Variants in SLIT3 observed in about 807,000 individuals in gnomAD.
SLIT3 encodes the protein slit homolog 3 protein.
SLIT3 carries 68 observed loss-of-function variants against 184.0 expected under a neutral mutation model. The observed-to-expected ratio is 0.37, with a 90% confidence interval of 0.30 to 0.45. SLIT3 has a LOEUF of 0.45. SLIT3 is among the 20% of genes least tolerant of loss of function. The pLI is 1.00. For synonymous variants in SLIT3, 831 were observed against 828.6 expected (o/e 1.00, Z -0.05); for missense variants, 1,707 against 2,026.0 (o/e 0.84, Z 3.02).
intron 4 of SLIT3, among the ~76,000 whole-genome samples, chr5:169,079,561 G>GAAGA (rs1758891383): frequency 7.5e-6 from 1 of 133,776 alleles, no homozygotes; most frequent in Non-Finnish European, 1.6e-5. Flanking sequence ...GAAGAAGGAG[G>GAAGA]AGGAGGAAGG....
chr5:168,737,627 T>C (rs553277024), intron 20 of SLIT3, among the ~76,000 whole-genome samples: 34 of 152,310 alleles, frequency 2.2e-4, no homozygotes, highest in African/African-American at 6.0e-4. Context: ...AACAAATCCA[T>C]GCTCATTGTC....
intron 4 of SLIT3, among the ~76,000 whole-genome samples, chr5:169,058,187 C>T (rs181090797): frequency 3.0e-4 from 46 of 152,370 alleles, no homozygotes; most frequent in East Asian, 2.9e-3. Flanking sequence ...ACCATCAGAC[C>T]GCTTCTCCCC....
chr5:168,984,149 G>C (rs544908094), intron 4 of SLIT3, among the ~76,000 whole-genome samples: 2 of 152,168 alleles, frequency 1.3e-5, no homozygotes, highest in South Asian at 4.2e-4. Context: ...AATATTACTT[G>C]ATTTTGAAAC....
chr5:168,886,438 C>A (rs576395756), intron 4 of SLIT3, among the ~76,000 whole-genome samples: 48 of 152,230 alleles, frequency 3.2e-4, no homozygotes, highest in Admixed American at 7.8e-4. Context: ...TAAGTACTAT[C>A]CTCGAGAGAG....
intron 12 of SLIT3, among the ~76,000 whole-genome samples, chr5:168,774,979 G>A (rs555124990): frequency 8.0e-5 from 12 of 150,382 alleles, no homozygotes; most frequent in South Asian, 6.4e-4. Context: ...TGGCCCTTTC[G>A]CCAACCTCAT....
chr5:169,036,905 T>C (rs1471435984), intron 4 of SLIT3, among the ~76,000 whole-genome samples: 1 of 152,144 alleles, frequency 6.6e-6, no homozygotes, highest in African/African-American at 2.4e-5. Flanking sequence ...TCTTCACAAA[T>C]GGCAAAGAGC....
chr5:168,769,794 T>G (rs553320285), intron 14 of SLIT3, among the ~76,000 whole-genome samples: 1 of 152,300 alleles, frequency 6.6e-6, no homozygotes, highest in African/African-American at 2.4e-5. Flanking sequence ...TGTAGGTAAA[T>G]TATCAAGAGT....
At chr5:168,668,923 G>A (rs956404653) in intron 35 of SLIT3, among the ~76,000 whole-genome samples, 6 of 152,206 alleles carry the variant, frequency 3.9e-5, no homozygotes, top group African/African-American at 1.2e-4. Context: ...CGACCGCCAT[G>A]ATGCCCAGCT....
rs1265645272 is a variant in SLIT3 at position 168,969,814 on chromosome 5, A to G, written c.414-86478T>C. Among the ~76,000 whole-genome samples, 3 of 152,194 alleles carry G rather than the reference A, an allele frequency of 2.0e-5. No homozygotes were observed. In the East Asian group the frequency reaches 5.8e-4, roughly 29 times the overall value. Reference sequence around the variant, plus strand: ...CTCAGGTTCACTTTGGGGCTCTCAAAACTAACATTCTCATGGGGATGGAAG... The same window carrying G: ...CTCAGGTTCACTTTGGGGCTCTCAAGACTAACATTCTCATGGGGATGGAAG... On this transcript the variant is annotated intron_variant, in intron 4 of 35. Coordinates refer to ENST00000519560, the MANE Select transcript of SLIT3 (RefSeq NM_003062.4).
chr5:169,049,860 T>C (rs1001168910), intron 4 of SLIT3, among the ~76,000 whole-genome samples: 1 of 152,174 alleles, frequency 6.6e-6, no homozygotes, highest in African/African-American at 2.4e-5. Context: ...GGTATTGTTT[T>C]TATTTGCTGT....
intron 4 of SLIT3, among the ~76,000 whole-genome samples, chr5:169,158,741 T>G (rs1762385294): frequency 1.3e-5 from 2 of 152,092 alleles, no homozygotes; most frequent in South Asian, 4.1e-4. Context: ...ACTAGTAAAT[T>G]GTCAACACCA....
At chr5:169,057,903 AT>A (rs1376244452) in intron 4 of SLIT3, among the ~76,000 whole-genome samples, 1 of 152,236 alleles carries the variant, frequency 6.6e-6, no homozygotes, top group Non-Finnish European at 1.5e-5. Flanking sequence ...GCTTTCTTTT[AT>A]GGGGAAGGTG....
At chr5:169,184,350 G>A (rs1243211931) in intron 4 of SLIT3, among the ~76,000 whole-genome samples, 16 of 152,188 alleles carry the variant, frequency 1.1e-4, no homozygotes, top group Admixed American at 1.0e-3. Flanking sequence ...AGAGACCTGG[G>A]TTCATTTCTG....
chr5:168,693,622 G>T lies in SLIT3; in HGVS notation c.3083-922C>A, dbSNP rs547656635. ...CCAGATGGAGAGTGATCTAAGAGAG[G>T]GAAAGGTCTAACCATGAACGTTCTC... On this transcript the variant is annotated intron_variant, in intron 28 of 35. Coordinates refer to ENST00000519560, the MANE Select transcript of SLIT3 (RefSeq NM_003062.4). Among the ~76,000 whole-genome samples the T allele has an allele frequency of 9.8e-5, 15 of 152,292 alleles. No homozygotes were observed. In the East Asian group the frequency reaches 2.7e-3, roughly 27 times the overall value.
intron 4 of SLIT3, among the ~76,000 whole-genome samples, chr5:169,110,389 C>T (rs544053579): frequency 3.3e-5 from 5 of 152,226 alleles, no homozygotes; most frequent in African/African-American, 1.2e-4. Flanking sequence ...GGCTGGAGGT[C>T]CAAAATCAAG....
chr5:168,913,382 G>A (rs1761318468), intron 4 of SLIT3, among the ~76,000 whole-genome samples: 1 of 152,106 alleles, frequency 6.6e-6, no homozygotes, highest in African/African-American at 2.4e-5. Context: ...TAAAAAGAAA[G>A]GTACCATTAG....
intron 4 of SLIT3, among the ~76,000 whole-genome samples, chr5:168,948,252 T>C (rs760239799): frequency 3.3e-5 from 5 of 152,170 alleles, no homozygotes; most frequent in Non-Finnish European, 5.9e-5. Context: ...AGTGGGTGCT[T>C]GCCCACTATT....
At chr5:168,882,518 G>A (rs961736834) in intron 5 of SLIT3, among the ~76,000 whole-genome samples, 2 of 152,148 alleles carry the variant, frequency 1.3e-5, no homozygotes, top group Non-Finnish European at 2.9e-5. Flanking sequence ...TCACACAGGC[G>A]TATACAAGTG....
chr5:169,187,111 G>GTTTTTTTTTTTTTTTT (rs761501769), intron 4 of SLIT3, among the ~76,000 whole-genome samples: 14 of 94,418 alleles, frequency 1.5e-4, no homozygotes, highest in Non-Finnish European at 2.3e-4. Flanking sequence ...GCAGCTATAG[G>GTTTTTTTTTTTTTTTT]TTTTTTTTTT....
Sources: allele counts gnomAD v4.1 joint callset (sites outside exome capture counted in the v4.1 genomes callset), GRCh38; gene constraint gnomAD v4.1.1; transcripts MANE v1.5; gene names NCBI Gene and HGNC (gene_info 2026-07-23, HGNC 2026-07-21).